The following POLR3B variants were observed in gnomAD, a reference collection of about 807,000 sequenced individuals.
POLR3B encodes the protein DNA-directed RNA polymerase III subunit RPC2.
In POLR3B, 96 loss-of-function variants were observed where a neutral mutation model predicts 147.4. That is an observed-to-expected ratio of 0.65 (90% CI 0.55 to 0.77). POLR3B has a LOEUF of 0.77. Among genes scored for constraint, POLR3B ranks in the 30% least tolerant of loss-of-function variants. POLR3B has a pLI of 0.00. For missense variants in POLR3B, 1,036 were observed against 1,413.5 expected, an observed-to-expected ratio of 0.73 and a Z score of 4.28; for synonymous variants, 461 against 485.9, an observed-to-expected ratio of 0.95 and a Z score of 0.67.
intron 23 of POLR3B, among the ~76,000 whole-genome samples, chr12:106,477,830 C>A (rs1304704756): frequency 1.3e-5 from 2 of 149,142 alleles, no homozygotes; most frequent in African/African-American, 2.5e-5. Flanking sequence ...TCTTCTGCGT[C>A]GCTCACGGGC....
intron 12 of POLR3B, among the ~76,000 whole-genome samples, chr12:106,412,195 C>G (rs1218866062): frequency 6.6e-6 from 1 of 152,116 alleles, no homozygotes; most frequent in East Asian, 1.9e-4. Context: ...CTGTATTCCT[C>G]TAAAGAGTGT....
intron 12 of POLR3B, among the ~76,000 whole-genome samples, chr12:106,422,667 A>G (rs2136949195): frequency 6.6e-6 from 1 of 152,322 alleles, no homozygotes; most frequent in African/African-American, 2.4e-5. Flanking sequence ...CATCTCTATC[A>G]TATAACAAGT....
chr12:106,425,449 C>T (rs2037422989), intron 12 of POLR3B, among the ~76,000 whole-genome samples: 2 of 152,176 alleles, frequency 1.3e-5, no homozygotes, highest in South Asian at 4.1e-4. Flanking sequence ...TAGGGACAGA[C>T]AGCTTTTGCT....
chr12:106,463,454 T>G (rs761390065), intron 22 of POLR3B, 24 bp from the exon 23 acceptor site: 25 of 1,611,086 alleles, frequency 1.6e-5, no homozygotes, highest in Non-Finnish European at 2.1e-5. Context: ...AAACTCTGTT[T>G]TAGTGACTTT....
chr12:106,393,739 G>A lies in POLR3B; in HGVS notation c.846+586G>A, dbSNP rs1482889665. ...CTGGTTGGACCCTGGGAATTTTAGG[G>A]CAAGACTCAAAGATGAAGACTGAGA... On this transcript the variant is annotated intron_variant, in intron 10 of 27. Transcript: ENST00000228347. 3.4e-5 allele frequency among the ~76,000 whole-genome samples: 5 copies of A among 146,250 alleles called. No individual in the cohort carries two copies. The Admixed American group carries it at 3.4e-4, about 10-fold the overall frequency.
At chr12:106,487,710 C>T (rs965557644) in intron 23 of POLR3B, among the ~76,000 whole-genome samples, 1 of 152,124 alleles carries the variant, frequency 6.6e-6, no homozygotes, top group African/African-American at 2.4e-5. Context: ...GCATCTGTCC[C>T]GCTCAAGCCT....
At position 106,459,371 on chromosome 12, in the gene POLR3B, A is replaced by C. The variant is rs757230080; in HGVS notation, c.2570+3A>C. ...CAGTACAAAGATGTACCCATAACGT[A>C]TGTATTGGTTGTGCCCTGGTAATAT... On this transcript the variant is annotated splice_donor_region_variant and intron_variant, in intron 22 of 27. Transcript: ENST00000228347. 1 of 1,391,272 alleles carries C rather than the reference A, an allele frequency of 7.2e-7. No individual in the cohort carries two copies. Among genetic ancestry groups the C allele is most frequent in the East Asian group, 2.3e-5 (1 of 43,846 alleles). 86.2% of individuals were successfully genotyped at this position (1,391,272 alleles called of 1,614,324 possible).
At chr12:106,450,248 C>G (rs1381354795) in intron 19 of POLR3B, among the ~76,000 whole-genome samples, 1 of 152,102 alleles carries the variant, frequency 6.6e-6, no homozygotes, top group East Asian at 1.9e-4. Flanking sequence ...TATTATAGCC[C>G]TAAATGTAAG....
intron 7 of POLR3B, among the ~76,000 whole-genome samples, chr12:106,377,944 T>C (rs1219938171): frequency 1.3e-5 from 2 of 152,080 alleles, no homozygotes; most frequent in East Asian, 3.9e-4. Context: ...AAAAATTAGC[T>C]ACGTGTGGTG....
chr12:106,370,351 A>G (rs1418393667), intron 6 of POLR3B, among the ~76,000 whole-genome samples: 2 of 152,182 alleles, frequency 1.3e-5, no homozygotes, highest in African/African-American at 4.8e-5. Context: ...TACTTAGGTG[A>G]GTAAAAGATA....
chr12:106,378,190 C>G, intron 7 of POLR3B, 77 bp from the exon 8 acceptor site: 1 of 887,816 alleles, frequency 1.1e-6, no homozygotes, highest in Non-Finnish European at 1.9e-6. Flanking sequence ...ATCTCTGATT[C>G]ACAAGATTCC....
intron 14 of POLR3B, among the ~76,000 whole-genome samples, chr12:106,431,363 A>G (rs2137002974): frequency 6.6e-6 from 1 of 152,306 alleles, no homozygotes; most frequent in Non-Finnish European, 1.5e-5. Context: ...CATTTCCCAG[A>G]GATTGCTTCA....
intron 19 of POLR3B, among the ~76,000 whole-genome samples, chr12:106,451,587 A>C (rs1178448342): frequency 7.9e-6 from 1 of 127,030 alleles, no homozygotes; most frequent in East Asian, 2.7e-4. Context: ...GTAACACTGC[A>C]CTCCAGCCTG....
intron 18 of POLR3B, among the ~76,000 whole-genome samples, chr12:106,443,078 G>A (rs1190105121): frequency 6.6e-6 from 1 of 151,808 alleles, no homozygotes; most frequent in Non-Finnish European, 1.5e-5. Flanking sequence ...ACATTAAAAA[G>A]GTAAAAAGAA....
rs1421868308 is a variant in POLR3B at position 106,479,527 on chromosome 12, C to T, written c.2713+15907C>T. ...TCCCGAGTAGCTGGGACTACAGGTG[C>T]CCGCCACCATGCCTAGCTAATTTTT... On this transcript the variant is annotated intron_variant, in intron 23 of 27. Transcript: ENST00000228347. 2.1e-4 allele frequency among the ~76,000 whole-genome samples: 32 copies of T among 151,590 alleles called. 1 individual carries two copies. The highest frequency in any genetic ancestry group is 2.1e-3 in the Admixed American group (32 of 15,210).
intron 23 of POLR3B, among the ~76,000 whole-genome samples, chr12:106,464,033 G>A (rs962197162): frequency 5.9e-5 from 9 of 151,662 alleles, no homozygotes; most frequent in African/African-American, 7.3e-5. Flanking sequence ...AGAGTTATCC[G>A]TCCCCTTGTT....
intron 23 of POLR3B, among the ~76,000 whole-genome samples, chr12:106,486,287 CAAAAAAAAAAAA>C (rs1195017160): frequency 7.1e-4 from 20 of 28,278 alleles, no homozygotes; most frequent in East Asian, 2.1e-3. Flanking sequence ...GACTCCGTCT[CAAAAAAAAAAAA>C]AAAAAAAAAA....
intron 10 of POLR3B, among the ~76,000 whole-genome samples, chr12:106,404,749 A>AT (rs913553364): frequency 6.6e-6 from 1 of 151,882 alleles, no homozygotes; most frequent in East Asian, 1.9e-4. Flanking sequence ...ACTTAGGAGG[A>AT]TTTTTTTATT....
chr12:106,491,537 A>T (rs1325224160), intron 23 of POLR3B, among the ~76,000 whole-genome samples: 1 of 152,208 alleles, frequency 6.6e-6, no homozygotes. Flanking sequence ...ATTCAGTGTA[A>T]GGAGTGTAAA....
Sources: gnomAD v4.1 joint callset for allele counts (sites outside exome capture counted in the v4.1 genomes callset) on GRCh38, gnomAD v4.1.1 for gene constraint, MANE v1.5 for transcripts, NCBI Gene and HGNC (gene_info 2026-07-23, HGNC 2026-07-21) for gene names.